Variants in SH2D4A observed in about 807,000 individuals in gnomAD.
SH2D4A encodes the protein SH2 domain containing 4A, also known as SH2 domain-containing protein 4A.
A neutral mutation model predicts 64.7 loss-of-function variants in SH2D4A; 70 were observed. The ratio of observed to expected loss-of-function variants is 1.08; its 90% CI spans 0.89 to 1.32. The LOEUF (loss-of-function observed/expected upper bound fraction) is 1.32, where lower values mean the gene tolerates loss of function less well. SH2D4A is among the 40% of genes most tolerant of loss of function. SH2D4A has a pLI of 0.00. For missense variants in SH2D4A, 706 were observed against 540.1 expected (o/e 1.31, Z -3.04); for synonymous variants, 268 against 200.7 (o/e 1.34, Z -2.83).
At chr8:19,345,549 G>A (rs947386098) in intron 4 of SH2D4A, among the ~76,000 whole-genome samples, 4 of 152,304 alleles carry the variant, frequency 2.6e-5, no homozygotes, top group South Asian at 2.1e-4. Context: ...TGTAAATAAG[G>A]CACAGATGAT....
At position 19,319,523 on chromosome 8, in the gene SH2D4A, T is replaced by C. The variant is rs2052148792; in HGVS notation, c.-25T>C. ...CAGTTTCAGGAACTTTTGCCACAAG[T>C]ATAAAAGACTTCAGAAGTGCAAAGA... On this transcript the variant is annotated 5_prime_UTR_variant, in exon 2 of 10. Coordinates refer to ENST00000265807, the MANE Select transcript of SH2D4A (RefSeq NM_022071.4). The C allele has an allele frequency of 1.4e-6, 2 of 1,466,174 alleles. No homozygotes were observed. The highest frequency in any genetic ancestry group is 2.6e-5 in the East Asian group (1 of 39,198). 90.8% of individuals were successfully genotyped at this position (1,466,174 alleles called of 1,614,324 possible). A position where few individuals can be genotyped will look rare whatever the true frequency, so the allele number is the denominator to read the frequency against.
chr8:19,350,665 G>A (rs1397443277), intron 4 of SH2D4A, among the ~76,000 whole-genome samples: 1 of 152,008 alleles, frequency 6.6e-6, no homozygotes, highest in Admixed American at 6.6e-5. Flanking sequence ...TGTATTTTCT[G>A]TAAAGACAGG....
intron 7 of SH2D4A, among the ~76,000 whole-genome samples, chr8:19,367,451 C>G (rs2053015913): frequency 6.6e-6 from 1 of 152,080 alleles, no homozygotes; most frequent in South Asian, 2.1e-4. Context: ...AAAAACTGGG[C>G]AAGGTGATAT....
intron 7 of SH2D4A, among the ~76,000 whole-genome samples, chr8:19,373,139 G>T (rs1038354607): frequency 1.3e-5 from 2 of 151,950 alleles, no homozygotes; most frequent in African/African-American, 4.8e-5. Context: ...CACAGCAGTG[G>T]CTCATTTCTA....
intron 5 of SH2D4A, chr8:19,360,786 G>A (rs1023519768): frequency 6.5e-6 from 1 of 153,272 alleles, no homozygotes; most frequent in African/African-American, 2.4e-5. Context: ...CTAGTTCTAT[G>A]TAATAGTGTG....
At chr8:19,325,934 C>T (rs906345839) in intron 2 of SH2D4A, among the ~76,000 whole-genome samples, 1 of 152,182 alleles carries the variant, frequency 6.6e-6, no homozygotes, top group African/African-American at 2.4e-5. Context: ...GTTTTCATCA[C>T]CCTGCCGCTC....
intron 4 of SH2D4A, among the ~76,000 whole-genome samples, chr8:19,349,222 G>A (rs2052660011): frequency 6.6e-6 from 1 of 152,156 alleles, no homozygotes; most frequent in Non-Finnish European, 1.5e-5. Context: ...ATTCAAGAGT[G>A]GAGCCCTAAT....
At chr8:19,386,234 TG>T (rs780652779) in intron 8 of SH2D4A, among the ~76,000 whole-genome samples, 10 of 152,224 alleles carry the variant, frequency 6.6e-5, no homozygotes, top group Non-Finnish European at 1.3e-4. Flanking sequence ...GCCTAGTATT[TG>T]TTCAGATTGT....
chr8:19,352,459 A>G (rs2052719649), intron 4 of SH2D4A, among the ~76,000 whole-genome samples: 2 of 152,160 alleles, frequency 1.3e-5, no homozygotes, highest in African/African-American at 4.8e-5. Context: ...TCTTTTTTGG[A>G]AGCTTTTGCA....
intron 4 of SH2D4A, 99 bp from the exon 5 acceptor site, chr8:19,357,104 G>A (rs1168520639): frequency 1.3e-5 from 12 of 918,422 alleles, no homozygotes; most frequent in Middle Eastern, 4.3e-4. Flanking sequence ...CTGTAGGGGC[G>A]GGGGCAGCAT....
intron 4 of SH2D4A, among the ~76,000 whole-genome samples, chr8:19,342,561 T>G (rs1439522298): frequency 6.6e-6 from 1 of 152,182 alleles, no homozygotes; most frequent in Non-Finnish European, 1.5e-5. Flanking sequence ...AACATGTTAC[T>G]TCATCCTCAC....
chr8:19,374,260 G>T (rs897718288), intron 8 of SH2D4A, among the ~76,000 whole-genome samples: 12 of 152,072 alleles, frequency 7.9e-5, no homozygotes, highest in Non-Finnish European at 1.6e-4. Context: ...TTCTGTATTT[G>T]ACCCAAGAAA....
At position 19,331,755 on chromosome 8, in the gene SH2D4A, G is replaced by T. The variant is rs185826301; in HGVS notation, c.182-1200G>T. ...GGGAAGAACTTGGCACAGGTAGCCTGCCTGCCCACAGCAACCCTAGGTAGT... is the reference window on the plus strand; with the variant it reads ...GGGAAGAACTTGGCACAGGTAGCCTTCCTGCCCACAGCAACCCTAGGTAGT... On this transcript the variant is annotated intron_variant, in intron 2 of 9. Transcript: ENST00000265807. Among the ~76,000 whole-genome samples the T allele has an allele frequency of 6.2e-3, 938 of 152,294 alleles. 8 individuals carry two copies. Among genetic ancestry groups the T allele is most frequent in the Non-Finnish European group, 0.011 (775 of 68,022 alleles).
intron 2 of SH2D4A, among the ~76,000 whole-genome samples, chr8:19,324,095 G>T (rs570613498): frequency 1.3e-5 from 2 of 152,224 alleles, no homozygotes; most frequent in Non-Finnish European, 2.9e-5. Context: ...ATGTGAAGGC[G>T]CCTTGCGCAC....
intron 2 of SH2D4A, among the ~76,000 whole-genome samples, chr8:19,331,748 G>A (rs1397638843): frequency 1.3e-5 from 2 of 152,192 alleles, no homozygotes; most frequent in African/African-American, 4.8e-5. Flanking sequence ...CTTGGCACAG[G>A]TAGCCTGCCT....
In SH2D4A at chr8:19,360,041, G is replaced by A. The variant is rs889576749; in HGVS notation, c.595-1162G>A. Among the ~76,000 whole-genome samples, 4 of 152,282 alleles carry A rather than the reference G, an allele frequency of 2.6e-5. 1 individual carries two copies. In the South Asian group the frequency reaches 6.2e-4, roughly 24 times the overall value. ...CAGTCGTCTTGTGAGCACTCAGAAG[G>A]TTGTGTCCAAATAAGCAAAGTACTT... On this transcript the variant is annotated intron_variant, in intron 5 of 9. Coordinates refer to ENST00000265807, the MANE Select transcript of SH2D4A (RefSeq NM_022071.4).
chr8:19,326,850 G>A (rs2052289596), intron 2 of SH2D4A, among the ~76,000 whole-genome samples: 1 of 152,126 alleles, frequency 6.6e-6, no homozygotes, highest in Non-Finnish European at 1.5e-5. Context: ...GGCATTCACT[G>A]CCCCCGAGGA....
chr8:19,363,843 C>T (rs762739255), intron 6 of SH2D4A: 1 of 545,588 alleles, frequency 1.8e-6, no homozygotes, highest in Non-Finnish European at 3.3e-6. Flanking sequence ...TTCCTTTTCT[C>T]TCCCTCTCAG....
At chr8:19,325,529 T>TG (rs1473802597) in intron 2 of SH2D4A, among the ~76,000 whole-genome samples, 1 of 152,206 alleles carries the variant, frequency 6.6e-6, no homozygotes. Flanking sequence ...ATAATTAAAC[T>TG]GGGATTGGCT....
Sources: allele counts gnomAD v4.1 joint callset (sites outside exome capture counted in the v4.1 genomes callset), GRCh38; gene constraint gnomAD v4.1.1; transcripts MANE v1.5; gene names NCBI Gene and HGNC (gene_info 2026-07-23, HGNC 2026-07-21).